The following NUBPL variants were observed in gnomAD, a reference collection of about 807,000 sequenced individuals.
NUBPL encodes the protein NUBP iron-sulfur cluster assembly factor, mitochondrial.
Under a neutral mutation model 45.7 loss-of-function variants are expected in NUBPL, and 31 were observed. That is an observed-to-expected ratio of 0.68 (90% CI 0.51 to 0.92). The LOEUF is 0.92. Among genes scored for constraint, NUBPL ranks in the 40% least tolerant of loss-of-function variants. The pLI is 0.00. For synonymous variants in NUBPL, 144 were observed against 140.9 expected, an observed-to-expected ratio of 1.02 and a Z score of -0.15; for missense variants, 401 against 398.7, an observed-to-expected ratio of 1.01 and a Z score of -0.05.
At chr14:31,769,618 T>G (rs979844053) in intron 6 of NUBPL, among the ~76,000 whole-genome samples, 10 of 152,258 alleles carry the variant, frequency 6.6e-5, no homozygotes, top group Non-Finnish European at 1.0e-4. Flanking sequence ...CCAAGTAGTT[T>G]GGAGCTTTCC....
rs536101480 is a variant in NUBPL, at chr14:31,835,206, A to G, written c.693+8492A>G. Among the ~76,000 whole-genome samples the G allele has an allele frequency of 5.3e-5, 8 of 152,328 alleles. No individual in the cohort carries two copies. The East Asian group carries it at 1.5e-3, about 29-fold the overall frequency. Reference sequence around the variant, plus strand: ...GCACTGGGTGGTAAGGATGGCTCAAATCAGGCCTGCCCTGTAACTGTGCTC... The same window carrying G: ...GCACTGGGTGGTAAGGATGGCTCAAGTCAGGCCTGCCCTGTAACTGTGCTC... On this transcript the variant is annotated intron_variant, in intron 8 of 10. Coordinates refer to ENST00000281081, the MANE Select transcript of NUBPL (RefSeq NM_025152.3).
chr14:31,596,008 G>A lies in NUBPL; in HGVS notation c.292-3281G>A, dbSNP rs192864295. ...TGCAAGCTCCACCTCCTGGGTTCAT[G>A]CCATTCTCCTGCCTCAGCCTCCCGA... is the stretch of plus-strand genomic sequence containing the variant. On this transcript the variant is annotated intron_variant, in intron 3 of 10. Coordinates refer to ENST00000281081, the MANE Select transcript of NUBPL (RefSeq NM_025152.3). Among the ~76,000 whole-genome samples, 3 of 151,304 alleles carry A rather than the reference G, an allele frequency of 2.0e-5. No individual in the cohort carries two copies. The East Asian group carries it at 5.9e-4, about 30-fold the overall frequency.
At chr14:31,765,447 T>C (rs1406347069) in intron 6 of NUBPL, among the ~76,000 whole-genome samples, 1 of 152,214 alleles carries the variant, frequency 6.6e-6, no homozygotes, top group Non-Finnish European at 1.5e-5. Context: ...TGACTTATGA[T>C]AACCTGGACC....
At chr14:31,841,507 T>TTTACCCATAATGTAC (rs1316906552) in intron 8 of NUBPL, among the ~76,000 whole-genome samples, 25 of 152,140 alleles carry the variant, frequency 1.6e-4, no homozygotes, top group African/African-American at 5.5e-4. Context: ...TTGCAGGAGT[T>TTTACCCATAATGTAC]CTTTATACAT....
intron 6 of NUBPL, among the ~76,000 whole-genome samples, chr14:31,772,499 A>G (rs530080836): frequency 4.6e-5 from 7 of 152,308 alleles, no homozygotes; most frequent in African/African-American, 1.4e-4. Context: ...CTTGTGTGAT[A>G]GTATCATTAT....
At chr14:31,693,941 C>T (rs537641054) in intron 6 of NUBPL, among the ~76,000 whole-genome samples, 38 of 149,952 alleles carry the variant, frequency 2.5e-4, no homozygotes, top group Admixed American at 4.7e-4. Flanking sequence ...CTGTAAGCTC[C>T]GCCTCCTGGG....
chr14:31,729,606 A>G (rs912610249), intron 6 of NUBPL, among the ~76,000 whole-genome samples: 4 of 152,072 alleles, frequency 2.6e-5, no homozygotes, highest in African/African-American at 9.6e-5. Context: ...TTTTGCCTTT[A>G]TATGTATTTT....
At chr14:31,791,580 A>AG (rs2039383185) in intron 7 of NUBPL, among the ~76,000 whole-genome samples, 1 of 152,176 alleles carries the variant, frequency 6.6e-6, no homozygotes. Flanking sequence ...CTCAGGTTAA[A>AG]AGCCCCAGCT....
chr14:31,766,922 A>G (rs762290978), intron 6 of NUBPL, among the ~76,000 whole-genome samples: 7 of 152,206 alleles, frequency 4.6e-5, no homozygotes, highest in Non-Finnish European at 7.3e-5. Context: ...GCAAAGAGGA[A>G]GAAAGAGTAG....
chr14:31,579,435 A>T (rs972582952), intron 3 of NUBPL, among the ~76,000 whole-genome samples: 4 of 152,228 alleles, frequency 2.6e-5, no homozygotes, highest in Admixed American at 2.6e-4. Flanking sequence ...CTGGATAGGC[A>T]TAATTCCACT....
At chr14:31,809,386 T>C (rs1054844887) in intron 7 of NUBPL, among the ~76,000 whole-genome samples, 4 of 152,252 alleles carry the variant, frequency 2.6e-5, no homozygotes, top group Non-Finnish European at 2.9e-5. Flanking sequence ...TCTTCTAGAC[T>C]TTCTAGTTTA....
At chr14:31,563,370 A>T (rs572726636) in intron 2 of NUBPL, among the ~76,000 whole-genome samples, 1 of 152,176 alleles carries the variant, frequency 6.6e-6, no homozygotes, top group Non-Finnish European at 1.5e-5. Context: ...TTGGAAGATG[A>T]TTGTTGCCAT....
intron 4 of NUBPL, among the ~76,000 whole-genome samples, chr14:31,621,327 G>A (rs1355060137): frequency 1.3e-5 from 2 of 152,212 alleles, no homozygotes; most frequent in East Asian, 1.9e-4. Context: ...TGCCACTGAG[G>A]TATGAAAAAT....
intron 6 of NUBPL, among the ~76,000 whole-genome samples, chr14:31,785,690 C>T (rs2039271856): frequency 2.6e-5 from 4 of 152,118 alleles, no homozygotes; most frequent in Admixed American, 2.6e-4. Flanking sequence ...ATGTCTCCTT[C>T]ACTAAATTGT....
chr14:31,656,993 G>A (rs180953741), intron 4 of NUBPL, among the ~76,000 whole-genome samples: 1 of 152,304 alleles, frequency 6.6e-6, no homozygotes, highest in East Asian at 1.9e-4. Flanking sequence ...TATGTAGTAA[G>A]CCTTTAAAAT....
chr14:31,761,740 T>A (rs892445380), intron 6 of NUBPL, among the ~76,000 whole-genome samples: 25 of 152,334 alleles, frequency 1.6e-4, no homozygotes, highest in African/African-American at 6.0e-4. Context: ...GTAATTTACT[T>A]AATCATTATC....
At chr14:31,665,411 T>G (rs1015593332) in intron 4 of NUBPL, among the ~76,000 whole-genome samples, 2 of 152,226 alleles carry the variant, frequency 1.3e-5, no homozygotes, top group Non-Finnish European at 2.9e-5. Context: ...CCAGAGATTC[T>G]GGTACATTGT....
intron 6 of NUBPL, among the ~76,000 whole-genome samples, chr14:31,754,591 C>CTTTTTTTTTTTTTTTTTTTTTTTTTT (rs59085679): frequency 9.6e-6 from 1 of 103,698 alleles, no homozygotes; most frequent in Non-Finnish European, 1.9e-5. Flanking sequence ...AGAGGGTTTT[C>CTTTTTTTTTTTTTTTTTTTTTTTTTT]TTTTTTTTTT....
chr14:31,748,905 C>T (rs765198717), intron 6 of NUBPL, among the ~76,000 whole-genome samples: 51 of 152,132 alleles, frequency 3.4e-4, no homozygotes, highest in Non-Finnish European at 6.5e-4. Context: ...AGCCACTGCG[C>T]CCCACCCCTG....
Sources: allele counts gnomAD v4.1 joint callset (sites outside exome capture counted in the v4.1 genomes callset), GRCh38; gene constraint gnomAD v4.1.1; transcripts MANE v1.5; gene names NCBI Gene and HGNC (gene_info 2026-07-23, HGNC 2026-07-21).